Variants in DLGAP1 observed in about 807,000 individuals in gnomAD.
The protein encoded by DLGAP1 is DLG associated protein 1.
DLGAP1 carries 11 observed loss-of-function variants against 90.8 expected under a neutral mutation model. The ratio of observed to expected loss-of-function variants is 0.12; its 90% CI spans 0.08 to 0.20. The LOEUF is 0.20. Ranked by LOEUF, DLGAP1 falls within the 10% of genes least tolerant of loss-of-function variation. The pLI is 1.00. For missense variants in DLGAP1, 1,050 were observed against 1,333.8 expected, an observed-to-expected ratio of 0.79 and a Z score of 3.31; for synonymous variants, 558 against 540.7, an observed-to-expected ratio of 1.03 and a Z score of -0.44.
At chr18:4,038,911 TG>T (rs1326878398) in intron 2 of DLGAP1, among the ~76,000 whole-genome samples, 1 of 152,150 alleles carries the variant, frequency 6.6e-6, no homozygotes, top group Non-Finnish European at 1.5e-5. Context: ...CTGACAGTTC[TG>T]ATGCCTGAAG....
In DLGAP1 at chr18:3,535,072, C is replaced by CTGTGTGTG. The variant is rs111975324; in HGVS notation, c.2058-465_2058-458dup. Among the ~76,000 whole-genome samples the CTGTGTGTG allele has an allele frequency of 1.6e-3, 227 of 144,752 alleles. 2 individuals are homozygous for CTGTGTGTG. Among genetic ancestry groups the CTGTGTGTG allele is most frequent in the African/African-American group, 5.5e-3 (213 of 39,016 alleles). 95.0% of individuals were successfully genotyped at this position (144,752 alleles called of 152,430 possible). On this transcript the variant is annotated intron_variant, in intron 9 of 12. Coordinates refer to ENST00000315677, the MANE Select transcript of DLGAP1 (RefSeq NM_004746.4). ...AGAAGTCTCATCTTCTCAATCTTCTCTGTGTGTGTGTGTGTGTGTGTGTGT... is the reference window on the plus strand; with the variant it reads ...AGAAGTCTCATCTTCTCAATCTTCTCTGTGTGTGTGTGTGTGTGTGTGTGTGTGTGTGT...
chr18:3,897,778 ATTTTTTTTTTTTTTT>A (rs869170460), intron 3 of DLGAP1, among the ~76,000 whole-genome samples: 2 of 94,478 alleles, frequency 2.1e-5, no homozygotes, highest in Non-Finnish European at 4.0e-5. Context: ...CGAATTTCTG[ATTTTTTTTTTTTTTT>A]TTTTTTTTTT....
chr18:3,598,940 T>C (rs1001919160), intron 7 of DLGAP1, among the ~76,000 whole-genome samples: 1 of 151,472 alleles, frequency 6.6e-6, no homozygotes, highest in African/African-American at 2.4e-5. Context: ...ACCCGGCTAA[T>C]GTTTGTCTTT....
chr18:3,664,670 G>A (rs1246483593), intron 7 of DLGAP1, among the ~76,000 whole-genome samples: 4 of 152,108 alleles, frequency 2.6e-5, no homozygotes, highest in African/African-American at 4.8e-5. Context: ...TTCTTTCAGC[G>A]CAGTTATCTC....
chr18:3,691,166 AG>A (rs2060881186), intron 7 of DLGAP1, among the ~76,000 whole-genome samples: 1 of 152,128 alleles, frequency 6.6e-6, no homozygotes, highest in South Asian at 2.1e-4. Flanking sequence ...ACTCAGAAAA[AG>A]GGCAGGTGCA....
At chr18:4,299,304 T>C (rs1303177839) in intron 1 of DLGAP1, among the ~76,000 whole-genome samples, 1 of 152,182 alleles carries the variant, frequency 6.6e-6, no homozygotes. Context: ...TAACACAAAT[T>C]CATTTTGAAA....
chr18:3,681,354 G>T (rs1363285987), intron 7 of DLGAP1, among the ~76,000 whole-genome samples: 1 of 152,192 alleles, frequency 6.6e-6, no homozygotes, highest in African/African-American at 2.4e-5. Flanking sequence ...TATGCTTACA[G>T]TCCACAGAAT....
At chr18:3,509,315 T>C (rs772941282) in intron 10 of DLGAP1, among the ~76,000 whole-genome samples, 1 of 152,156 alleles carries the variant, frequency 6.6e-6, no homozygotes, top group Non-Finnish European at 1.5e-5. Flanking sequence ...TGCAGCCCAA[T>C]CATTTTGTTA....
intron 1 of DLGAP1, among the ~76,000 whole-genome samples, chr18:4,236,708 G>C (rs1032883962): frequency 6.6e-6 from 1 of 151,410 alleles, no homozygotes. Flanking sequence ...TCTTAAGCGA[G>C]GTGGCTTCTA....
chr18:4,277,318 A>G (rs532651618), intron 1 of DLGAP1, among the ~76,000 whole-genome samples: 2 of 152,310 alleles, frequency 1.3e-5, no homozygotes, highest in South Asian at 4.1e-4. Flanking sequence ...GAATTCTTGA[A>G]TTTTTATTTA....
At chr18:3,809,803 G>A (rs747286767) in intron 5 of DLGAP1, among the ~76,000 whole-genome samples, 1 of 152,198 alleles carries the variant, frequency 6.6e-6, no homozygotes, top group Non-Finnish European at 1.5e-5. Context: ...TCTTTCTGCA[G>A]TGTATCAAAT....
In DLGAP1 at chr18:3,653,058, C is replaced by A. The variant is rs1026766132; in HGVS notation, c.1592-70810G>T. ...CTGACTCAGGGGTGACTCAGCTCTT[C>A]CATGACCTGTGTTCCCACTTCTCCT... On this transcript the variant is annotated intron_variant, in intron 7 of 12. Coordinates refer to ENST00000315677, the MANE Select transcript of DLGAP1 (RefSeq NM_004746.4). The surrounding 1 kb of genome is among the most constrained non-coding windows in gnomAD (Gnocchi z 4.6). Among the ~76,000 whole-genome samples, 3 of 152,236 alleles carry A rather than the reference C, an allele frequency of 2.0e-5. No individual in the cohort carries two copies. The highest frequency in any genetic ancestry group is 2.0e-4 in the Admixed American group (3 of 15,286).
intron 5 of DLGAP1, among the ~76,000 whole-genome samples, chr18:3,773,290 G>T: frequency 6.6e-6 from 1 of 151,456 alleles, no homozygotes; most frequent in Admixed American, 6.6e-5. Flanking sequence ...AAGAACATTT[G>T]GTAATAAACT....
At chr18:4,409,765 A>AT (rs199837384) in intron 1 of DLGAP1, among the ~76,000 whole-genome samples, 1,769 of 151,246 alleles carry the variant, frequency 0.012, 32 homozygotes, top group African/African-American at 0.041. Context: ...GATGGGATTG[A>AT]TTTTTTTTTC....
intron 1 of DLGAP1, among the ~76,000 whole-genome samples, chr18:4,317,494 G>A (rs568210572): frequency 2.6e-5 from 4 of 152,146 alleles, no homozygotes; most frequent in African/African-American, 9.7e-5. Context: ...ATAAAGGAGT[G>A]TACTTCTTGC....
intron 1 of DLGAP1, among the ~76,000 whole-genome samples, chr18:4,291,595 CAT>C (rs1463664070): frequency 2.0e-5 from 3 of 152,060 alleles, no homozygotes; most frequent in Admixed American, 1.3e-4. Flanking sequence ...TACATACACA[CAT>C]ATATTTTTAA....
intron 8 of DLGAP1, chr18:3,580,887 C>G: frequency 1.1e-6 from 1 of 872,248 alleles, no homozygotes; most frequent in Non-Finnish European, 1.8e-6. Context: ...GCAGTAGCGT[C>G]TGCCCTGAGC....
At chr18:3,819,336 A>G (rs1247961050) in intron 4 of DLGAP1, among the ~76,000 whole-genome samples, 1 of 152,204 alleles carries the variant, frequency 6.6e-6, no homozygotes, top group Non-Finnish European at 1.5e-5. Context: ...TCACTAAGAA[A>G]GAAATAAACA....
At position 3,966,142 on chromosome 18, in the gene DLGAP1, C is replaced by A. The variant is rs192777398; in HGVS notation, c.-73+38974G>T. Among the ~76,000 whole-genome samples the A allele has an allele frequency of 1.2e-3, 176 of 151,854 alleles. 1 individual carries two copies. The highest frequency in any genetic ancestry group is 4.0e-3 in the African/African-American group (165 of 41,426). On this transcript the variant is annotated intron_variant, in intron 3 of 12. Coordinates refer to ENST00000315677, the MANE Select transcript of DLGAP1 (RefSeq NM_004746.4). ...GTGGTAGAAACCACATTCGCTAATGCGGTTGGAGGGGAGCACTACAGGGAA... is the reference window on the plus strand; with the variant it reads ...GTGGTAGAAACCACATTCGCTAATGAGGTTGGAGGGGAGCACTACAGGGAA...
Sources: allele counts gnomAD v4.1 joint callset (sites outside exome capture counted in the v4.1 genomes callset), GRCh38; gene constraint gnomAD v4.1.1; non-coding constraint Gnocchi (gnomAD v3.1); transcripts MANE v1.5; gene names NCBI Gene and HGNC (gene_info 2026-07-23, HGNC 2026-07-21).